Variants in PALD1 observed in about 807,000 individuals in gnomAD.
The protein encoded by PALD1 is paladin.
A neutral mutation model predicts 96.0 loss-of-function variants in PALD1; 57 were observed. That is an observed-to-expected ratio of 0.59 (90% CI 0.48 to 0.74). The LOEUF (loss-of-function observed/expected upper bound fraction) is 0.74. Ranked by LOEUF, PALD1 falls within the 30% of genes least tolerant of loss-of-function variation. The pLI is 0.00. For missense variants in PALD1, 1,063 were observed against 1,143.7 expected, an observed-to-expected ratio of 0.93 and a Z score of 1.02; for synonymous variants, 464 against 473.6, an observed-to-expected ratio of 0.98 and a Z score of 0.26.
At chr10:70,504,935 A>G (rs1846356687) in intron 1 of PALD1, among the ~76,000 whole-genome samples, 1 of 152,206 alleles carries the variant, frequency 6.6e-6, no homozygotes, top group East Asian at 1.9e-4. Flanking sequence ...ATTAATGAAC[A>G]TTTTGTACCT....
At chr10:70,491,610 A>G (rs1846100342) in intron 1 of PALD1, among the ~76,000 whole-genome samples, 1 of 152,228 alleles carries the variant, frequency 6.6e-6, no homozygotes, top group Non-Finnish European at 1.5e-5. Context: ...AAATGACATT[A>G]AAATAACCCT....
intron 4 of PALD1, 104 bp downstream of exon 4, chr10:70,530,172 G>T: frequency 1.1e-6 from 1 of 942,988 alleles, no homozygotes; most frequent in Non-Finnish European, 1.5e-6. Flanking sequence ...GCTGCATGCT[G>T]GAGAGGTGGG....
At chr10:70,565,914 G>A (rs1847839386) in intron 19 of PALD1, among the ~76,000 whole-genome samples, 1 of 152,202 alleles carries the variant, frequency 6.6e-6, no homozygotes, top group South Asian at 2.1e-4. Context: ...GGCTGGGGGA[G>A]GTCAAGAAAG....
At chr10:70,460,218 T>TTGG in the PALD1 span, among the ~76,000 whole-genome samples, 1 of 151,962 alleles carries the variant, frequency 6.6e-6, no homozygotes, top group African/African-American at 2.4e-5. Flanking sequence ...AAGCCCGCCC[T>TTGG]CCAAGGCTGT....
chr10:70,539,763 G>A lies in PALD1; in HGVS notation c.1908+1G>A. 1 of 1,608,482 alleles carries A rather than the reference G, an allele frequency of 6.2e-7. No individual in the cohort carries two copies. Among genetic ancestry groups the A allele is most frequent in the Non-Finnish European group, 8.5e-7 (1 of 1,178,620 alleles). The stretch of plus-strand genomic sequence containing the variant: ...GGACTTCTGTGCCCCCCGAGAGGAG[G>A]TGAGGGTGCTGCTCAGGCTGAGGCC... On this transcript the variant is annotated splice_donor_variant, in intron 15 of 19. Transcript: ENST00000263563. LOFTEE classifies it high-confidence loss of function. The surrounding 1 kb of genome is among the most constrained non-coding windows in gnomAD (Gnocchi z 4.5).
Position 70,532,611 on chromosome 10 carries a change from C to A in PALD1, c.634-10C>A. The A allele has an allele frequency of 6.2e-7, 1 of 1,613,080 alleles. No homozygotes were observed. ...GGCCATGGCCCTCTGACCCCCACAC[C>A]TCCCTCTAGATCCACGACTTTGCCC... On this transcript the variant is annotated splice_polypyrimidine_tract_variant and intron_variant, in intron 5 of 19. Coordinates refer to ENST00000263563, the MANE Select transcript of PALD1 (RefSeq NM_014431.3).
At chr10:70,483,246 G>A (rs1236052089) in intron 1 of PALD1, among the ~76,000 whole-genome samples, 1 of 152,130 alleles carries the variant, frequency 6.6e-6, no homozygotes, top group Non-Finnish European at 1.5e-5. Context: ...AAAGAGCAGC[G>A]TGGCAGAGGT....
At chr10:70,541,326 AGGGTGTGAGGGGCAGAGACAGCC>A in intron 16 of PALD1, 84 bp downstream of exon 16, 11 of 1,532,642 alleles carry the variant, frequency 7.2e-6, no homozygotes, top group Non-Finnish European at 8.9e-6. Flanking sequence ...GCTCCACAGG[AGGGTGTGAGGGGCAGAGACAGCC>A]GGGTGTGGTC....
chr10:70,555,131 C>A (rs1276214091), intron 18 of PALD1, among the ~76,000 whole-genome samples: 1 of 147,656 alleles, frequency 6.8e-6, no homozygotes, highest in Non-Finnish European at 1.5e-5. Context: ...GCCACCACCA[C>A]TCCCGGCTAA....
At chr10:70,499,770 T>C (rs961399195) in intron 1 of PALD1, among the ~76,000 whole-genome samples, 11 of 152,328 alleles carry the variant, frequency 7.2e-5, no homozygotes, top group Admixed American at 3.9e-4. Context: ...TTTTGCCTGA[T>C]GGGCTGGTGT....
At chr10:70,554,373 A>G (rs1486549750) in intron 18 of PALD1, among the ~76,000 whole-genome samples, 2 of 152,192 alleles carry the variant, frequency 1.3e-5, no homozygotes, top group Non-Finnish European at 2.9e-5. Flanking sequence ...AGGTTGCAGT[A>G]AGCCGAGATC....
intron 1 of PALD1, among the ~76,000 whole-genome samples, chr10:70,486,815 T>C (rs955137237): frequency 6.6e-6 from 1 of 152,102 alleles, no homozygotes; most frequent in African/African-American, 2.4e-5. Flanking sequence ...TGAGTGGTGG[T>C]TTAGCTTTGC....
At chr10:70,562,084 T>G (rs1443241343) in intron 18 of PALD1, among the ~76,000 whole-genome samples, 1 of 152,214 alleles carries the variant, frequency 6.6e-6, no homozygotes, top group Non-Finnish European at 1.5e-5. Context: ...CACACGTGCC[T>G]TCTCATCCCT....
Position 70,529,224 on chromosome 10 carries a change from C to CG in PALD1, c.186-5_186-4insG, listed in dbSNP as rs1554858403. ...TTCCATTCTGCCCCCCCCCCCCCCC[C>CG]CCAGGTACAACTGCAAGGAGGAGTT... On this transcript the variant is annotated splice_region_variant and splice_polypyrimidine_tract_variant and intron_variant, in intron 2 of 19. Coordinates refer to ENST00000263563, the MANE Select transcript of PALD1 (RefSeq NM_014431.3). The CG allele has an allele frequency of 1.3e-5, 4 of 300,608 alleles. No individual in the cohort carries two copies. The highest frequency in any genetic ancestry group is 2.6e-5 in the South Asian group (1 of 38,544). 18.6% of individuals were successfully genotyped at this position (300,608 alleles called of 1,614,324 possible).
intron 1 of PALD1, among the ~76,000 whole-genome samples, chr10:70,480,199 G>C (rs1589165770): frequency 1.3e-5 from 2 of 152,314 alleles, no homozygotes; most frequent in Admixed American, 1.3e-4. Flanking sequence ...CCACTCCCAG[G>C]TTTGTTTGTT....
intron 18 of PALD1, among the ~76,000 whole-genome samples, chr10:70,553,362 T>C (rs1260105536): frequency 6.6e-6 from 1 of 152,124 alleles, no homozygotes; most frequent in East Asian, 1.9e-4. Flanking sequence ...GGCCTAATGT[T>C]CCTCCAGATT....
At chr10:70,465,506 T>A in the PALD1 span, among the ~76,000 whole-genome samples, 3 of 152,134 alleles carry the variant, frequency 2.0e-5, no homozygotes, top group Non-Finnish European at 2.9e-5. Flanking sequence ...ATATATCAGG[T>A]CCTCCATAGG....
At chr10:70,530,851 C>T (rs11818368) in intron 4 of PALD1, among the ~76,000 whole-genome samples, 17,685 of 152,128 alleles carry the variant, frequency 0.12, 1,158 homozygotes, top group South Asian at 0.19. Context: ...TGAATGATTG[C>T]GTGGTCATGG....
intron 1 of PALD1, among the ~76,000 whole-genome samples, chr10:70,522,735 C>T (rs1416640700): frequency 6.6e-6 from 1 of 152,220 alleles, no homozygotes; most frequent in African/African-American, 2.4e-5. Context: ...AGGCACCCCA[C>T]CTGCACCCCT....
Sources: allele counts gnomAD v4.1 joint callset (sites outside exome capture counted in the v4.1 genomes callset), GRCh38; gene constraint gnomAD v4.1.1; non-coding constraint Gnocchi (gnomAD v3.1); transcripts MANE v1.5; gene names NCBI Gene and HGNC (gene_info 2026-07-23, HGNC 2026-07-21).